Variants in BOLL observed in about 807,000 individuals in gnomAD.
The protein encoded by BOLL is boule RNA binding protein.
In BOLL, 23 loss-of-function variants were observed where a neutral mutation model predicts 44.4. The observed-to-expected ratio is 0.52, with a 90% CI of 0.37 to 0.73. The LOEUF (loss-of-function observed/expected upper bound fraction) is 0.73. Among genes scored for constraint, BOLL ranks in the 30% least tolerant of loss-of-function variants. BOLL has a pLI of 0.00. For synonymous variants in BOLL, 97 were observed against 110.8 expected (o/e 0.88, Z 0.78); for missense variants, 287 against 338.3 (o/e 0.85, Z 1.19).
At chr2:197,786,012 C>T (rs1247516883), upstream of BOLL, 20 of 1,612,386 alleles carry the variant, frequency 1.2e-5, no homozygotes, top group Non-Finnish European at 1.6e-5. This position sits in a 1 kb window ranked among gnomAD's most constrained non-coding sequence, Gnocchi z 5.9. Flanking sequence ...ATCTTCCTCT[C>T]TGCTCTTCAG....
rs1380392949 is a variant in BOLL at position 197,785,300 on chromosome 2, C to A, written c.-260G>T. On this transcript the variant is annotated 5_prime_UTR_variant, in exon 1 of 11. Coordinates refer to ENST00000392296, the MANE Select transcript of BOLL (RefSeq NM_033030.6). The surrounding 1 kb of genome is among the most constrained non-coding windows in gnomAD (Gnocchi z 6.7). ...GAAGCCTCAACGGCAGCGACCCCGC[C>A]GCTGGCCTCGTGCGCAGCTGGTCCC... The A allele has an allele frequency of 9.1e-6, 9 of 985,686 alleles. No individual in the cohort carries two copies. The highest frequency in any genetic ancestry group is 1.7e-5 in the African/African-American group (1 of 57,370). The allele number at this position is 985,686 out of a possible 1,614,324, so 61.1% of individuals were successfully genotyped here. A position where few individuals can be genotyped will look rare whatever the true frequency, so the allele number is the denominator to read the frequency against.
chr2:197,778,907 G>A (rs700655), intron 3 of BOLL, 68 bp downstream of exon 3: 625,407 of 1,353,584 alleles, frequency 0.46, 147,377 homozygotes, highest in Middle Eastern at 0.59. Flanking sequence ...GTAAACTGGC[G>A]TACAAAACCT....
At chr2:197,754,653 G>T (rs1688421398) in intron 9 of BOLL, among the ~76,000 whole-genome samples, 1 of 152,196 alleles carries the variant, frequency 6.6e-6, no homozygotes, top group Non-Finnish European at 1.5e-5. Context: ...GGTGGAGGTT[G>T]CAGTGAGCCG....
chr2:197,772,056 A>C, intron 5 of BOLL, 74 bp from the exon 6 acceptor site: 1 of 1,278,698 alleles, frequency 7.8e-7, no homozygotes, highest in Non-Finnish European at 1.1e-6. Context: ...TAAACACTTC[A>C]GAAAAATATT....
At chr2:197,741,347 T>G (rs1279892264) in intron 10 of BOLL, among the ~76,000 whole-genome samples, 5 of 152,080 alleles carry the variant, frequency 3.3e-5, no homozygotes, top group East Asian at 1.9e-4. Context: ...CTGAGACTTT[T>G]CTGAAGTTGC....
At chr2:197,738,268 G>C (rs78448609) in intron 10 of BOLL, among the ~76,000 whole-genome samples, 1 of 151,970 alleles carries the variant, frequency 6.6e-6, no homozygotes, top group Non-Finnish European at 1.5e-5. Context: ...TAAAATTAGA[G>C]ATGGGGTCTC....
intron 7 of BOLL, chr2:197,759,029 G>A: frequency 6.5e-7 from 1 of 1,527,752 alleles, no homozygotes; most frequent in Non-Finnish European, 8.8e-7. Flanking sequence ...AGAGAGGCAT[G>A]ATGTCAGCAA....
intron 7 of BOLL, chr2:197,758,834 A>C: frequency 1.3e-6 from 1 of 760,510 alleles, no homozygotes; most frequent in Non-Finnish European, 2.0e-6. Context: ...AAACTGACAT[A>C]TGTTAACATT....
In BOLL at chr2:197,743,167, A is replaced by C; in HGVS notation, c.730-8T>G. 6.4e-7 allele frequency: 1 copy of C among 1,550,480 alleles called. No individual in the cohort carries two copies. Among genetic ancestry groups the C allele is most frequent in the Non-Finnish European group, 8.7e-7 (1 of 1,145,402 alleles). ...TCCATGATCAGAATAAGGCTATTAC[A>C]AAAAAAGAGAGAAAAAATGTCACCT... On this transcript the variant is annotated splice_region_variant and splice_polypyrimidine_tract_variant and intron_variant, in intron 9 of 10. Transcript: ENST00000392296.
At position 197,772,219 on chromosome 2, in the gene BOLL, T is replaced by A. The variant is rs966720094; in HGVS notation, c.353-237A>T. Among the ~76,000 whole-genome samples, 4 of 152,058 alleles carry A rather than the reference T, an allele frequency of 2.6e-5. No homozygotes were observed. In the South Asian group the frequency reaches 8.3e-4, roughly 32 times the overall value. On this transcript the variant is annotated intron_variant, in intron 5 of 10. Transcript: ENST00000392296. ...GATGATTAAAAGAAAAGAAAAACAA[T>A]ACGAATAAGAAATACCAAAAATGTA...
rs1445076896 is a variant in BOLL at position 197,728,249 on chromosome 2, A to G, written c.*306T>C. On this transcript the variant is annotated 3_prime_UTR_variant, in exon 11 of 11. Coordinates refer to ENST00000392296, the MANE Select transcript of BOLL (RefSeq NM_033030.6). ...CAGAGAAAATAAAAGACACCTCACT[A>G]TTCCCAATGTGGTTATTATTTATGG... 1.6e-5 allele frequency: 7 copies of G among 425,594 alleles called. No homozygotes were observed. The highest frequency in any genetic ancestry group is 4.1e-5 in the African/African-American group (2 of 49,322). 26.4% of individuals were successfully genotyped at this position (425,594 alleles called of 1,614,324 possible).
At position 197,728,018 on chromosome 2, in the gene BOLL, A is replaced by T. The variant is rs1425538987; in HGVS notation, c.*537T>A. 6.5e-6 allele frequency: 1 copy of T among 152,890 alleles called. No homozygotes were observed. Among genetic ancestry groups the T allele is most frequent in the African/African-American group, 2.4e-5 (1 of 41,462 alleles). 9.5% of individuals were successfully genotyped at this position (152,890 alleles called of 1,614,324 possible). ...AAGGAGTAACAGTAATAAATGAATT[A>T]AAAATTAGACAAAAGCATATTAAAT... On this transcript the variant is annotated 3_prime_UTR_variant, in exon 11 of 11. Transcript: ENST00000392296.
intron 7 of BOLL, among the ~76,000 whole-genome samples, chr2:197,765,963 T>C (rs1465516760): frequency 3.3e-5 from 5 of 152,152 alleles, no homozygotes; most frequent in Non-Finnish European, 5.9e-5. Flanking sequence ...TTTCTGTTCC[T>C]GTGTCAGTTT....
intron 10 of BOLL, among the ~76,000 whole-genome samples, chr2:197,740,056 G>A (rs571155349): frequency 1.3e-5 from 2 of 152,292 alleles, no homozygotes; most frequent in South Asian, 2.1e-4. Context: ...GTAATGTTTA[G>A]TAACACTATA....
Position 197,758,917 on chromosome 2 carries a change from T to C in BOLL, c.553-1517A>G, listed in dbSNP as rs967840624. 3.5e-5 allele frequency: 53 copies of C among 1,527,942 alleles called. No individual in the cohort carries two copies. The Admixed American group carries it at 1.0e-3, about 29-fold the overall frequency. 94.6% of individuals were successfully genotyped at this position (1,527,942 alleles called of 1,614,324 possible). A position where few individuals can be genotyped will look rare whatever the true frequency, so the allele number is the denominator to read the frequency against. On this transcript the variant is annotated intron_variant, in intron 7 of 10. Transcript: ENST00000392296. The stretch of plus-strand genomic sequence containing the variant: ...TTGCTAAAGACTTTTTAGATCTAAA[T>C]GTTAGCCAGGGGAGCAAAACTGACC...
intron 7 of BOLL, chr2:197,758,870 C>T (rs1688628868): frequency 2.6e-5 from 34 of 1,327,178 alleles, no homozygotes; most frequent in Non-Finnish European, 3.4e-5. Flanking sequence ...AGTCCAATAC[C>T]TGTATCTTAC....
At chr2:197,737,698 G>C (rs1160223419) in intron 10 of BOLL, among the ~76,000 whole-genome samples, 2 of 152,086 alleles carry the variant, frequency 1.3e-5, no homozygotes, top group Admixed American at 1.3e-4. Context: ...AAAAAATACT[G>C]GTAGTGGAAT....
chr2:197,729,791 T>G (rs1260805549), intron 10 of BOLL, among the ~76,000 whole-genome samples: 1 of 151,496 alleles, frequency 6.6e-6, no homozygotes. Context: ...AGAAAGGACA[T>G]CCACACCAAA....
At chr2:197,763,554 G>A (rs536590212) in intron 7 of BOLL, among the ~76,000 whole-genome samples, 6 of 150,652 alleles carry the variant, frequency 4.0e-5, no homozygotes, top group South Asian at 4.2e-4. Context: ...TAATTAAAAC[G>A]TCTTCCAACA....
Sources: allele counts gnomAD v4.1 joint callset (sites outside exome capture counted in the v4.1 genomes callset), GRCh38; gene constraint gnomAD v4.1.1; non-coding constraint Gnocchi (gnomAD v3.1); transcripts MANE v1.5; gene names NCBI Gene and HGNC (gene_info 2026-07-23, HGNC 2026-07-21).